TMEM233: variants seen among roughly 807,000 people sequenced by gnomAD.
The protein encoded by TMEM233 is dispanin subfamily B member 2.
A neutral mutation model predicts 11.2 loss-of-function variants in TMEM233; 6 were observed. The observed-to-expected ratio is 0.54, with a 90% CI of 0.29 to 1.06. TMEM233 has a LOEUF of 1.06. TMEM233 is among the 50% of genes least tolerant of loss of function. The probability of loss-of-function intolerance (pLI) is 0.08; values close to 1 mark genes in which losing one functional copy is unlikely to be tolerated. For synonymous variants in TMEM233, 59 were observed against 55.8 expected, an observed-to-expected ratio of 1.06 and a Z score of -0.26; for missense variants, 127 against 144.7, an observed-to-expected ratio of 0.88 and a Z score of 0.63.
downstream of TMEM233, among the ~76,000 whole-genome samples, chr12:119,647,439 C>T (rs1005214558): frequency 1.3e-5 from 2 of 152,096 alleles, no homozygotes; most frequent in African/African-American, 4.8e-5. Context: ...TTTTCCACAA[C>T]TTTGTTTATT....
chr12:119,639,951 G>A (rs1021540430), intron 2 of TMEM233, among the ~76,000 whole-genome samples: 2 of 152,124 alleles, frequency 1.3e-5, no homozygotes, highest in African/African-American at 4.8e-5. Flanking sequence ...AGAAATTGCA[G>A]CACGATCACA....
chr12:119,640,668 TTC>T (rs771463843), intron 2 of TMEM233, 29 bp from the exon 3 acceptor site: 7,562 of 1,205,438 alleles, frequency 6.3e-3, no homozygotes, highest in South Asian at 0.014. Flanking sequence ...CCCACGGTCT[TTC>T]TCTCTCTCTC....
At chr12:119,596,460 G>C (rs944685463) in intron 1 of TMEM233, among the ~76,000 whole-genome samples, 2 of 146,734 alleles carry the variant, frequency 1.4e-5, no homozygotes, top group Admixed American at 6.8e-5. Context: ...CCCCACTGGA[G>C]ACAGTTTACT....
intron 1 of TMEM233, among the ~76,000 whole-genome samples, chr12:119,615,327 G>A (rs1954504177): frequency 6.6e-6 from 1 of 152,072 alleles, no homozygotes; most frequent in South Asian, 2.1e-4. Flanking sequence ...AGGGAGCAGT[G>A]CCAGCCACAC....
In TMEM233 at chr12:119,629,896, C is replaced by G. The variant is rs911765992; in HGVS notation, c.323+24C>G. 1.7e-5 allele frequency: 27 copies of G among 1,544,676 alleles called. 1 individual carries two copies. Among genetic ancestry groups the G allele is most frequent in the African/African-American group, 4.1e-5 (3 of 72,818 alleles). ...AAGTAAGTAGGCTTTTTGAATCCCT[C>G]CCCATGTCAAACGCCCTTTCTCGAA... On this transcript the variant is annotated intron_variant, in intron 2 of 2. Transcript: ENST00000426426.
At chr12:119,647,649 A>G (rs1454592180), downstream of TMEM233, among the ~76,000 whole-genome samples, 3 of 152,162 alleles carry the variant, frequency 2.0e-5, no homozygotes, top group East Asian at 5.8e-4. Context: ...ATACATGTGC[A>G]GAACGTGGAG....
intron 1 of TMEM233, among the ~76,000 whole-genome samples, chr12:119,608,474 G>A (rs1461752309): frequency 6.6e-6 from 1 of 152,208 alleles, no homozygotes; most frequent in Non-Finnish European, 1.5e-5. Context: ...CAATGAGAAG[G>A]AAAATGAAGG....
At position 119,629,976 on chromosome 12, in the gene TMEM233, G is replaced by A. The variant is rs1408592978; in HGVS notation, c.323+104G>A. 4 of 1,270,690 alleles carry A rather than the reference G, an allele frequency of 3.1e-6. No homozygotes were observed. In the East Asian group the frequency reaches 1.0e-4, roughly 33 times the overall value. 78.7% of individuals were successfully genotyped at this position (1,270,690 alleles called of 1,614,324 possible). On this transcript the variant is annotated intron_variant, in intron 2 of 2. Transcript: ENST00000426426. Reference sequence around the variant, plus strand: ...GGTTATGCTCCAGTAACAACCCCAAGCCAAAGGGTTTTCATGTTTTCTTCT... The same window carrying A: ...GGTTATGCTCCAGTAACAACCCCAAACCAAAGGGTTTTCATGTTTTCTTCT...
Position 119,627,018 on chromosome 12 carries a change from C to T in TMEM233, c.187-2718C>T, listed in dbSNP as rs935002267. ...TTAAGTTGCTGGATCATGGGGAAACCGGGGAAAAGGCAGAGGAGCAAGTGG... is the reference window on the plus strand; with the variant it reads ...TTAAGTTGCTGGATCATGGGGAAACTGGGGAAAAGGCAGAGGAGCAAGTGG... On this transcript the variant is annotated intron_variant, in intron 1 of 2. Coordinates refer to ENST00000426426, the MANE Select transcript of TMEM233 (RefSeq NM_001136534.3). Among the ~76,000 whole-genome samples, 10 of 152,164 alleles carry T rather than the reference C, an allele frequency of 6.6e-5. No individual in the cohort carries two copies. The East Asian group carries it at 7.7e-4, about 12-fold the overall frequency.
At chr12:119,606,529 T>A (rs939117008) in intron 1 of TMEM233, among the ~76,000 whole-genome samples, 1 of 152,284 alleles carries the variant, frequency 6.6e-6, no homozygotes, top group Non-Finnish European at 1.5e-5. Flanking sequence ...CTAAAAAAAA[T>A]TTGTTCTAAA....
the TMEM233 span, among the ~76,000 whole-genome samples, chr12:119,652,007 T>G: frequency 1.1e-3 from 166 of 152,240 alleles, no homozygotes; most frequent in African/African-American, 3.7e-3. Context: ...CATACAACTT[T>G]TATTAATCAG....
At chr12:119,647,220 T>C (rs543902757), downstream of TMEM233, among the ~76,000 whole-genome samples, 1 of 152,322 alleles carries the variant, frequency 6.6e-6, no homozygotes, top group Admixed American at 6.5e-5. Context: ...TTTTTTTGTG[T>C]GTCCTTAAAA....
At chr12:119,646,721 T>A (rs1174691481), downstream of TMEM233, among the ~76,000 whole-genome samples, 1 of 152,220 alleles carries the variant, frequency 6.6e-6, no homozygotes, top group Non-Finnish European at 1.5e-5. Flanking sequence ...TTTTCCTCTC[T>A]CTTCCCCATT....
At chr12:119,614,609 T>A (rs2136715741) in intron 1 of TMEM233, among the ~76,000 whole-genome samples, 1 of 152,300 alleles carries the variant, frequency 6.6e-6, no homozygotes, top group South Asian at 2.1e-4. Flanking sequence ...CTTTGGGGCA[T>A]AATAAAATAA....
chr12:119,650,201 G>A, the TMEM233 span, among the ~76,000 whole-genome samples: 1 of 150,732 alleles, frequency 6.6e-6, no homozygotes, highest in African/African-American at 2.4e-5. Flanking sequence ...CAAACATTAT[G>A]GCTTGCTATT....
chr12:119,593,797 G>A lies in TMEM233; in HGVS notation c.-52G>A, dbSNP rs1326634283. Reference sequence around the variant, plus strand: ...CCACAAGCCGGCGGCCAGAGCCCCAGACCACACAGACCGTGCGCTCCTCCG... The same window carrying A: ...CCACAAGCCGGCGGCCAGAGCCCCAAACCACACAGACCGTGCGCTCCTCCG... On this transcript the variant is annotated 5_prime_UTR_variant, in exon 1 of 3. Transcript: ENST00000426426. This position sits in a 1 kb window ranked among gnomAD's most constrained non-coding sequence, Gnocchi z 4.1. The A allele has an allele frequency of 1.3e-6, 2 of 1,528,080 alleles. No individual in the cohort carries two copies. Among genetic ancestry groups the A allele is most frequent in the Admixed American group, 4.1e-5 (2 of 49,130 alleles). 94.7% of individuals were successfully genotyped at this position (1,528,080 alleles called of 1,614,324 possible). A position where few individuals can be genotyped will look rare whatever the true frequency, so the allele number is the denominator to read the frequency against.
intron 1 of TMEM233, among the ~76,000 whole-genome samples, chr12:119,614,570 A>G (rs772995997): frequency 1.3e-5 from 2 of 152,276 alleles, no homozygotes; most frequent in Non-Finnish European, 2.9e-5. Context: ...CTGTGCATCA[A>G]ATAGTACATC....
rs1953963346 is a variant in TMEM233 at position 119,593,786 on chromosome 12, C to T, written c.-63C>T. 3 of 1,482,032 alleles carry T rather than the reference C, an allele frequency of 2.0e-6. No individual in the cohort carries two copies. In the African/African-American group the frequency reaches 4.2e-5, roughly 21 times the overall value. 91.8% of individuals were successfully genotyped at this position (1,482,032 alleles called of 1,614,324 possible). A position where few individuals can be genotyped will look rare whatever the true frequency, so the allele number is the denominator to read the frequency against. ...TCAGAGCCTCGCCACAAGCCGGCGG[C>T]CAGAGCCCCAGACCACACAGACCGT... On this transcript the variant is annotated 5_prime_UTR_variant, in exon 1 of 3. Transcript: ENST00000426426. This position sits in a 1 kb window ranked among gnomAD's most constrained non-coding sequence, Gnocchi z 4.1.
At chr12:119,604,935 G>A (rs1485290901) in intron 1 of TMEM233, among the ~76,000 whole-genome samples, 1 of 151,764 alleles carries the variant, frequency 6.6e-6, no homozygotes. Flanking sequence ...GCCTGGCTAA[G>A]TTAGGTGTTT....
Sources: gnomAD v4.1 joint callset for allele counts (sites outside exome capture counted in the v4.1 genomes callset) on GRCh38, gnomAD v4.1.1 for gene constraint, Gnocchi (gnomAD v3.1) non-coding constraint, MANE v1.5 for transcripts, NCBI Gene and HGNC (gene_info 2026-07-23, HGNC 2026-07-21) for gene names.